The following KCNAB2 variants were observed in gnomAD, a reference collection of about 807,000 sequenced individuals.
KCNAB2 encodes potassium voltage-gated channel subfamily A regulatory beta subunit 2, also known as voltage-gated potassium channel subunit beta-2.
KCNAB2 carries 29 observed loss-of-function variants against 63.6 expected under a neutral mutation model. The observed-to-expected ratio is 0.46, with a 90% confidence interval of 0.34 to 0.62. KCNAB2 has a LOEUF of 0.62. Among genes scored for constraint, KCNAB2 ranks in the 20% least tolerant of loss-of-function variants. KCNAB2 has a pLI of 0.01. For synonymous variants in KCNAB2, 222 were observed against 224.2 expected, an observed-to-expected ratio of 0.99 and a Z score of 0.09; for missense variants, 359 against 563.9, an observed-to-expected ratio of 0.64 and a Z score of 3.68.
Position 6,096,468 on chromosome 1 carries a change from C to A in KCNAB2, c.949-168C>A. The A allele has an allele frequency of 1.1e-6, 1 of 905,512 alleles. No homozygotes were observed. Among genetic ancestry groups the A allele is most frequent in the Non-Finnish European group, 1.6e-6 (1 of 607,314 alleles). 56.1% of individuals were successfully genotyped at this position (905,512 alleles called of 1,614,324 possible). On this transcript the variant is annotated intron_variant, in intron 13 of 15. Coordinates refer to ENST00000378083, the MANE Select transcript of KCNAB2 (RefSeq NM_001199862.2). This position sits in a 1 kb window ranked among gnomAD's most constrained non-coding sequence, Gnocchi z 5.9. ...CGTGCCCGGCCCACTGCCCACTCTC[C>A]CCTACTTGAGAGGCCTGGGGCAGGG...
At position 6,099,860 on chromosome 1, in the gene KCNAB2, C is replaced by A. The variant is rs997337946; in HGVS notation, c.*1286C>A. The A allele has an allele frequency of 1.3e-5, 20 of 1,548,540 alleles. No individual in the cohort carries two copies. Among genetic ancestry groups the A allele is most frequent in the African/African-American group, 4.1e-5 (3 of 73,016 alleles). On this transcript the variant is annotated 3_prime_UTR_variant, in exon 16 of 16. Coordinates refer to ENST00000378083, the MANE Select transcript of KCNAB2 (RefSeq NM_001199862.2). The stretch of plus-strand genomic sequence containing the variant: ...GAGGGCAGGACAGGCCAGAGTGACG[C>A]CCCCGTGCAGCTTGGGCCGGAGGGC...
At chr1:6,094,575 G>C (rs775155995) in intron 11 of KCNAB2, 90 bp downstream of exon 11, 1 of 1,096,740 alleles carries the variant, frequency 9.1e-7, no homozygotes, top group Non-Finnish European at 1.3e-6. Flanking sequence ...CGGGGTCTGT[G>C]CCTTTGGTCC....
upstream of KCNAB2, among the ~76,000 whole-genome samples, chr1:6,032,920 G>A (rs889000060): frequency 6.6e-6 from 1 of 152,192 alleles, no homozygotes; most frequent in Non-Finnish European, 1.5e-5. Flanking sequence ...AAATATGGGG[G>A]GTTGCTTCTA....
intron 1 of KCNAB2, among the ~76,000 whole-genome samples, chr1:6,019,836 G>T (rs908676615): frequency 6.6e-6 from 1 of 152,212 alleles, no homozygotes; most frequent in African/African-American, 2.4e-5. Flanking sequence ...TTGTAGATGG[G>T]GTGAGCTATG....
rs372226185 is a variant in KCNAB2 at position 6,069,164 on chromosome 1, G to A, written c.219-3591G>A. Among the ~76,000 whole-genome samples the A allele has an allele frequency of 3.5e-4, 53 of 152,204 alleles. 1 individual carries two copies. Among genetic ancestry groups the A allele is most frequent in the East Asian group, 1.9e-4 (1 of 5,188 alleles). Reference sequence around the variant, plus strand: ...TGGAATCTCGGAGCAGGGCAGGCGTGCAAACATCATCACTGCACGGAGCAG... The same window carrying A: ...TGGAATCTCGGAGCAGGGCAGGCGTACAAACATCATCACTGCACGGAGCAG... On this transcript the variant is annotated intron_variant, in intron 2 of 15. Transcript: ENST00000378083. This position sits in a 1 kb window ranked among gnomAD's most constrained non-coding sequence, Gnocchi z 5.4.
chr1:5,995,978 G>A (rs1043706599), intron 1 of KCNAB2: 2 of 152,294 alleles, frequency 1.3e-5, no homozygotes, highest in South Asian at 4.1e-4. Flanking sequence ...CCCAGACCCT[G>A]GGGGATATGG....
rs1665897286 is a variant in KCNAB2, at chr1:6,099,569, G to A, written c.*995G>A. On this transcript the variant is annotated 3_prime_UTR_variant, in exon 16 of 16. Coordinates refer to ENST00000378083, the MANE Select transcript of KCNAB2 (RefSeq NM_001199862.2). ...CAAGGATGCACTCCTCTCGGCCCCT[G>A]TAGACTTTCTCTAAAGCCGCCCGCC... The A allele has an allele frequency of 3.8e-6, 2 of 531,000 alleles. No individual in the cohort carries two copies. The highest frequency in any genetic ancestry group is 3.5e-5 in the South Asian group (1 of 28,376). The allele number at this position is 531,000 out of a possible 1,614,324, so 32.9% of individuals were successfully genotyped here.
chr1:6,082,228 A>G lies in KCNAB2; in HGVS notation c.334A>G (p.Asn112Asp). 6.2e-7 allele frequency: 1 copy of G among 1,613,972 alleles called. No homozygotes were observed. Among genetic ancestry groups the G allele is most frequent in the Non-Finnish European group, 8.5e-7 (1 of 1,179,838 alleles). The change falls in exon 5 of 16, where the codon AAT (asparagine) becomes GAT (aspartate). Residue 112 changes from asparagine (N) to aspartate (D), a missense_variant. Coordinates refer to ENST00000378083, the MANE Select transcript of KCNAB2 (RefSeq NM_001199862.2). ...AEQLMTLAYD[N>D]GINLFDTAEV... ...GCAGCTCATGACCTTGGCCTATGAT[A>G]ATGGCATCAACCTCTTCGATACAGC...
At chr1:6,032,581 AAAAAG>A (rs1659701631), upstream of KCNAB2, among the ~76,000 whole-genome samples, 1 of 151,850 alleles carries the variant, frequency 6.6e-6, no homozygotes, top group African/African-American at 2.4e-5. Flanking sequence ...GTTAAAAAAA[AAAAAG>A]AGAGAGAGAG....
chr1:6,044,008 A>G (rs1435105607), upstream of KCNAB2, among the ~76,000 whole-genome samples: 1 of 152,200 alleles, frequency 6.6e-6, no homozygotes, highest in African/African-American at 2.4e-5. Flanking sequence ...GGCCTACCCC[A>G]GGCATGTCCT....
chr1:6,076,427 G>C (rs777133954), intron 4 of KCNAB2, among the ~76,000 whole-genome samples: 6 of 152,198 alleles, frequency 3.9e-5, no homozygotes, highest in Non-Finnish European at 5.9e-5. Context: ...CCATTGTTAG[G>C]TGCCCTTTCT....
intron 2 of KCNAB2, among the ~76,000 whole-genome samples, chr1:6,066,601 C>A (rs1364807593): frequency 2.0e-5 from 3 of 152,198 alleles, no homozygotes; most frequent in Non-Finnish European, 4.4e-5. Context: ...TCCTGGGGAA[C>A]CCTGAGGCAT....
intron 1 of KCNAB2, among the ~76,000 whole-genome samples, chr1:6,001,215 T>C (rs2102542889): frequency 1.3e-5 from 2 of 152,136 alleles, no homozygotes; most frequent in Middle Eastern, 6.8e-3. Flanking sequence ...ACAGGGTCCC[T>C]CTGCGACCTG....
At chr1:6,040,787 A>G in intron 2 of KCNAB2, 1 of 606,672 alleles carries the variant, frequency 1.6e-6, no homozygotes, top group South Asian at 2.0e-5. Context: ...CGGGGTTTTG[A>G]GGTGCACGCT....
Position 6,077,233 on chromosome 1 carries a change from G to A in KCNAB2, c.300+3463G>A, listed in dbSNP as rs114700739. On this transcript the variant is annotated intron_variant, in intron 4 of 15. Coordinates refer to ENST00000378083, the MANE Select transcript of KCNAB2 (RefSeq NM_001199862.2). ...TTGAAGAACAGCATGGGAAAGGCCC[G>A]TGACAGCCAATGGAAAATGCAGCCA... Among the ~76,000 whole-genome samples the A allele has an allele frequency of 3.1e-3, 478 of 152,242 alleles. 4 individuals carry two copies. Among genetic ancestry groups the A allele is most frequent in the African/African-American group, 0.011 (453 of 41,542 alleles).
intron 1 of KCNAB2, among the ~76,000 whole-genome samples, chr1:6,022,699 G>T (rs891636091): frequency 2.0e-5 from 3 of 151,978 alleles, no homozygotes. Flanking sequence ...CTCTAGGCAC[G>T]TGACTACTCT....
At chr1:6,010,856 A>G (rs1658106893) in intron 1 of KCNAB2, among the ~76,000 whole-genome samples, 1 of 152,268 alleles carries the variant, frequency 6.6e-6, no homozygotes. Flanking sequence ...GCTCTTCCCC[A>G]GAAATCATCG....
chr1:6,005,908 C>T (rs749153798), intron 1 of KCNAB2, among the ~76,000 whole-genome samples: 176 of 143,864 alleles, frequency 1.2e-3, no homozygotes, highest in Middle Eastern at 7.4e-3. Flanking sequence ...CACCCCTCAG[C>T]TCAGCTCCCA....
chr1:6,100,257 C>T lies in KCNAB2; in HGVS notation c.*1683C>T, dbSNP rs572546754. 8.7e-6 allele frequency: 5 copies of T among 576,414 alleles called. No homozygotes were observed. Among genetic ancestry groups the T allele is most frequent in the Non-Finnish European group, 1.4e-5 (5 of 362,980 alleles). The allele number at this position is 576,414 out of a possible 1,614,324, so 35.7% of individuals were successfully genotyped here. ...GGATCAGCTTCTGCTATTACCGACC[C>T]CCCTTCATGCTGCCCCTGGCGCCTA... On this transcript the variant is annotated 3_prime_UTR_variant, in exon 16 of 16. Transcript: ENST00000378083.
Sources: allele counts gnomAD v4.1 joint callset (sites outside exome capture counted in the v4.1 genomes callset), GRCh38; gene constraint gnomAD v4.1.1; non-coding constraint Gnocchi (gnomAD v3.1); transcripts MANE v1.5; gene names NCBI Gene and HGNC (gene_info 2026-07-23, HGNC 2026-07-21).